Variants in TNS1 observed in about 807,000 individuals in gnomAD.
TNS1 encodes the protein tensin-1.
Under a neutral mutation model 168.6 loss-of-function variants are expected in TNS1, and 62 were observed. That is an observed-to-expected ratio of 0.37 (90% CI 0.30 to 0.45). TNS1 has a LOEUF of 0.45. Among genes scored for constraint, TNS1 ranks in the 20% least tolerant of loss-of-function variants. The pLI is 1.00. For missense variants in TNS1, 2,240 were observed against 2,339.4 expected, an observed-to-expected ratio of 0.96 and a Z score of 0.88; for synonymous variants, 934 against 933.2, an observed-to-expected ratio of 1.00 and a Z score of -0.02.
At chr2:217,932,555 A>T (rs1031308591) in intron 3 of TNS1, among the ~76,000 whole-genome samples, 1 of 152,178 alleles carries the variant, frequency 6.6e-6, no homozygotes, top group East Asian at 1.9e-4. Context: ...AATTCTATGC[A>T]CTGGGCTCAG....
chr2:217,895,814 G>A (rs1401093873), intron 8 of TNS1, among the ~76,000 whole-genome samples: 1 of 152,118 alleles, frequency 6.6e-6, no homozygotes, highest in African/African-American at 2.4e-5. Flanking sequence ...CCACCCCACT[G>A]CCTAGGAAAC....
intron 18 of TNS1, among the ~76,000 whole-genome samples, chr2:217,852,416 C>T (rs1947628214): frequency 1.3e-5 from 2 of 152,218 alleles, no homozygotes; most frequent in South Asian, 4.1e-4. Context: ...TTTGTGCCTC[C>T]TCATCCCCCA....
At chr2:217,811,981 C>T (rs11692329) in intron 28 of TNS1, among the ~76,000 whole-genome samples, 34,557 of 152,064 alleles carry the variant, frequency 0.23, 4,653 homozygotes, top group Middle Eastern at 0.36. Flanking sequence ...TCCAGACCAA[C>T]CCCTCAACAC....
chr2:217,957,901 CAAAA>C (rs1317632214), intron 3 of TNS1, among the ~76,000 whole-genome samples: 4 of 134,446 alleles, frequency 3.0e-5, no homozygotes, highest in Admixed American at 1.5e-4. Flanking sequence ...ACAAAAACAG[CAAAA>C]AATGGATGGT....
chr2:217,959,126 T>G (rs911601272), intron 3 of TNS1, among the ~76,000 whole-genome samples: 2 of 152,206 alleles, frequency 1.3e-5, no homozygotes, highest in Non-Finnish European at 2.9e-5. Context: ...TTTCACCCAT[T>G]CCTTAGCTGT....
At chr2:217,954,931 G>A (rs148376580) in intron 3 of TNS1, among the ~76,000 whole-genome samples, 125 of 152,230 alleles carry the variant, frequency 8.2e-4, no homozygotes, top group African/African-American at 2.8e-3. Flanking sequence ...ATGCACAGAA[G>A]GGTCCTCAGA....
At chr2:217,924,919 T>C (rs1955934628) in intron 3 of TNS1, among the ~76,000 whole-genome samples, 2 of 152,210 alleles carry the variant, frequency 1.3e-5, no homozygotes, top group Admixed American at 1.3e-4. Flanking sequence ...TCATAAGACC[T>C]GGGTTGTCTC....
At chr2:217,847,185 G>T (rs1388649833) in intron 19 of TNS1, among the ~76,000 whole-genome samples, 1 of 152,142 alleles carries the variant, frequency 6.6e-6, no homozygotes, top group African/African-American at 2.4e-5. Flanking sequence ...GCTTTCCCAG[G>T]CTCTGGGATC....
chr2:218,028,732 G>A (rs1205581087), intron 1 of TNS1, among the ~76,000 whole-genome samples: 1 of 152,218 alleles, frequency 6.6e-6, no homozygotes, highest in African/African-American at 2.4e-5. Context: ...ACTCAGGCTG[G>A]GAGGCAGAAG....
chr2:217,875,948 A>T (rs957587339), intron 18 of TNS1, among the ~76,000 whole-genome samples: 27 of 152,166 alleles, frequency 1.8e-4, no homozygotes, highest in African/African-American at 6.5e-4. Flanking sequence ...AGTGGGGTGG[A>T]CACCAGCCCC....
intron 3 of TNS1, among the ~76,000 whole-genome samples, chr2:217,934,018 C>A (rs184256847): frequency 6.6e-6 from 1 of 152,316 alleles, no homozygotes; most frequent in African/African-American, 2.4e-5. Flanking sequence ...CAGATTATCC[C>A]ATTTAATCCT....
upstream of TNS1, among the ~76,000 whole-genome samples, chr2:218,011,633 G>GA: frequency 6.6e-6 from 1 of 152,222 alleles, no homozygotes; most frequent in Non-Finnish European, 1.5e-5. Flanking sequence ...CACTGTGTGG[G>GA]CGGAGGCCCT....
At position 217,955,933 on chromosome 2, in the gene TNS1, C is replaced by T. The variant is rs185994557; in HGVS notation, c.186+22832G>A. 1.0e-3 allele frequency among the ~76,000 whole-genome samples: 155 copies of T among 152,256 alleles called. 1 individual carries two copies. Among genetic ancestry groups the T allele is most frequent in the African/African-American group, 3.5e-3 (144 of 41,532 alleles). Reference sequence around the variant, plus strand: ...AGCACACACAAACAGGTAACGCTCCCACAAAATGTCAGGCATCTGGGGGTT... The same window carrying T: ...AGCACACACAAACAGGTAACGCTCCTACAAAATGTCAGGCATCTGGGGGTT... On this transcript the variant is annotated intron_variant, in intron 3 of 32. Transcript: ENST00000682258.
At chr2:217,941,649 C>T (rs1347354471) in intron 3 of TNS1, among the ~76,000 whole-genome samples, 1 of 152,218 alleles carries the variant, frequency 6.6e-6, no homozygotes, top group African/African-American at 2.4e-5. Flanking sequence ...AGGCCCTCAG[C>T]ATCCCAAGAG....
intron 3 of TNS1, among the ~76,000 whole-genome samples, chr2:217,954,501 T>C (rs1454612797): frequency 6.6e-6 from 1 of 152,202 alleles, no homozygotes; most frequent in Non-Finnish European, 1.5e-5. Context: ...AAGCAGGTAC[T>C]GTGATTATCA....
rs72945946 is a variant in TNS1, at chr2:217,808,125, G to A, written c.5343-18C>T. 0.031 allele frequency: 49,293 copies of A among 1,612,238 alleles called. 937 individuals carry two copies. Among genetic ancestry groups the A allele is most frequent in the Middle Eastern group, 0.08 (410 of 5,104 alleles). ...TCATCCACCTGTGGAGAGAAAGTGG[G>A]CTCAGGGTAAATCATCGTACTTTCT... On this transcript the variant is annotated intron_variant, in intron 31 of 32. Transcript: ENST00000682258.
In TNS1 at chr2:217,915,227, G is replaced by A. The variant is rs189511748; in HGVS notation, c.228+4968C>T. Among the ~76,000 whole-genome samples, 12 of 152,348 alleles carry A rather than the reference G, an allele frequency of 7.9e-5. No homozygotes were observed. The East Asian group carries it at 1.2e-3, about 15-fold the overall frequency. On this transcript the variant is annotated intron_variant, in intron 4 of 32. Coordinates refer to ENST00000682258, the MANE Select transcript of TNS1 (RefSeq NM_001387777.1). ...CCCGCACACTGAAGCTGAGTGCTCC[G>A]CTCCCTTTCTCTGCTTCCAGTTAAC...
intron 1 of TNS1, among the ~76,000 whole-genome samples, 166 bp from the exon 2 acceptor site, chr2:217,991,222 G>A (rs1285380199): frequency 6.6e-6 from 1 of 152,128 alleles, no homozygotes; most frequent in Non-Finnish European, 1.5e-5. Context: ...AAGGTGTGGG[G>A]TGACAGGATG....
At chr2:217,830,043 G>A (rs1194824314) in intron 22 of TNS1, 5 of 958,344 alleles carry the variant, frequency 5.2e-6, no homozygotes, top group Admixed American at 6.2e-5. Context: ...TGGGAAAGCT[G>A]GGGTGAGGCC....
Sources: allele counts gnomAD v4.1 joint callset (sites outside exome capture counted in the v4.1 genomes callset), GRCh38; gene constraint gnomAD v4.1.1; transcripts MANE v1.5; gene names NCBI Gene and HGNC (gene_info 2026-07-23, HGNC 2026-07-21).